The following AMBRA1 variants were observed in gnomAD, a reference collection of about 807,000 sequenced individuals.
AMBRA1 encodes activating molecule in BECN1-regulated autophagy protein 1.
A neutral mutation model predicts 125.4 loss-of-function variants in AMBRA1; 47 were observed. That is an observed-to-expected ratio of 0.37 (90% CI 0.30 to 0.48). The LOEUF is 0.48. AMBRA1 is among the 20% of genes least tolerant of loss of function. AMBRA1 has a pLI of 0.99. For synonymous variants in AMBRA1, 626 were observed against 655.5 expected (o/e 0.95, Z 0.69); for missense variants, 1,331 against 1,693.4 (o/e 0.79, Z 3.76).
chr11:46,517,339 G>T (rs929989218), intron 7 of AMBRA1, among the ~76,000 whole-genome samples: 4 of 150,836 alleles, frequency 2.7e-5, no homozygotes, highest in African/African-American at 7.3e-5. Context: ...GTAAAAACAG[G>T]GTTGCACCAT....
intron 11 of AMBRA1, among the ~76,000 whole-genome samples, chr11:46,449,176 A>T (rs1948455436): frequency 6.6e-6 from 1 of 152,188 alleles, no homozygotes; most frequent in South Asian, 2.1e-4. Context: ...ATCATATTGG[A>T]AGTCCTAGCT....
At chr11:46,492,186 T>G (rs1029042414) in intron 11 of AMBRA1, among the ~76,000 whole-genome samples, 1 of 152,194 alleles carries the variant, frequency 6.6e-6, no homozygotes, top group African/African-American at 2.4e-5. Flanking sequence ...GTCAGGAGAT[T>G]GTGGTATAGT....
chr11:46,483,079 GC>G (rs1326539420), intron 11 of AMBRA1, among the ~76,000 whole-genome samples: 1 of 151,712 alleles, frequency 6.6e-6, no homozygotes, highest in Non-Finnish European at 1.5e-5. Context: ...AAAGAATGTA[GC>G]CCCACAGCTC....
In AMBRA1 at chr11:46,573,850, A is replaced by G. The variant is rs1336003612; in HGVS notation, c.-121+19978T>C. ...CCCACCACAGTCCCCAGAGTGTGAT[A>G]TTCCCCTTCCTGTGTCCATGTGATC... On this transcript the variant is annotated intron_variant, in intron 1 of 17. Coordinates refer to ENST00000683756, the MANE Select transcript of AMBRA1 (RefSeq NM_001387011.1). 3.0e-4 allele frequency among the ~76,000 whole-genome samples: 36 copies of G among 120,180 alleles called. 1 individual carries two copies. Among genetic ancestry groups the G allele is most frequent in the Admixed American group, 2.7e-3 (24 of 8,926 alleles). The allele number at this position is 120,180 out of a possible 152,430, so 78.8% of individuals were successfully genotyped here.
At chr11:46,451,848 G>C (rs1554975990) in intron 11 of AMBRA1, 1 of 144,020 alleles carries the variant, frequency 6.9e-6, no homozygotes, top group Non-Finnish European at 1.5e-5. Flanking sequence ...CTGACCAGCT[G>C]AGCTGGAGGA....
At chr11:46,463,907 T>C (rs1411967351) in intron 11 of AMBRA1, among the ~76,000 whole-genome samples, 1 of 152,232 alleles carries the variant, frequency 6.6e-6, no homozygotes, top group Non-Finnish European at 1.5e-5. Context: ...GCCTTCTCCT[T>C]TGTTAGCCTC....
intron 12 of AMBRA1, among the ~76,000 whole-genome samples, chr11:46,437,338 C>G (rs185658787): frequency 3.1e-4 from 47 of 152,356 alleles, no homozygotes; most frequent in African/African-American, 1.0e-3. Context: ...TCTCCCCTGA[C>G]TCCACCCAAC....
chr11:46,517,903 T>G (rs1011866600), intron 7 of AMBRA1, among the ~76,000 whole-genome samples: 1 of 148,094 alleles, frequency 6.8e-6, no homozygotes. Context: ...TATAAGCATA[T>G]AAAAGTATAC....
intron 4 of AMBRA1, 99 bp downstream of exon 4, chr11:46,547,014 C>T: frequency 5.2e-6 from 6 of 1,156,198 alleles, no homozygotes; most frequent in Admixed American, 2.5e-5. Flanking sequence ...GAGGTTGCAG[C>T]GAGCCAAGAT....
rs557005439 is a variant in AMBRA1, at chr11:46,566,535, C to A, written c.-120-18035G>T. On this transcript the variant is annotated intron_variant, in intron 1 of 17. Coordinates refer to ENST00000683756, the MANE Select transcript of AMBRA1 (RefSeq NM_001387011.1). Reference sequence around the variant, plus strand: ...TACATTCTATATAATTCCATTTATACAACATTCTTAAAATGACAAAGAGAG... The same window carrying A: ...TACATTCTATATAATTCCATTTATAAAACATTCTTAAAATGACAAAGAGAG... Among the ~76,000 whole-genome samples the A allele has an allele frequency of 2.0e-5, 3 of 152,138 alleles. No individual in the cohort carries two copies. The South Asian group carries it at 6.2e-4, about 32-fold the overall frequency.
At position 46,543,054 on chromosome 11, in the gene AMBRA1, G is replaced by A. The variant is rs753899128; in HGVS notation, c.963C>T (p.Ser321=). 2 of 1,598,830 alleles carry A rather than the reference G, an allele frequency of 1.3e-6. No individual in the cohort carries two copies. The highest frequency in any genetic ancestry group is 1.7e-5 in the Admixed American group (1 of 59,884). ...GGACACTGTCCTGGTGTGGCAAGAGGGAAGGAACTCGAGTGCCAGAGCAGC... is the reference window on the plus strand; with the variant it reads ...GGACACTGTCCTGGTGTGGCAAGAGAGAAGGAACTCGAGTGCCAGAGCAGC... ...CSRCSGTRVP[S]LLPHQDSVPP... is the part of the protein sequence containing the mutation. Residue 321 remains serine, a synonymous_variant, in exon 7 of 18, where the codon TCC becomes TCT. Coordinates refer to ENST00000683756, the MANE Select transcript of AMBRA1 (RefSeq NM_001387011.1).
At chr11:46,473,932 G>T (rs1949711059) in intron 11 of AMBRA1, among the ~76,000 whole-genome samples, 1 of 152,172 alleles carries the variant, frequency 6.6e-6, no homozygotes, top group Non-Finnish European at 1.5e-5. Context: ...TTACAGGCGT[G>T]AGCCACCGCA....
chr11:46,453,211 C>T (rs1435287671), intron 11 of AMBRA1, among the ~76,000 whole-genome samples: 1 of 152,060 alleles, frequency 6.6e-6, no homozygotes, highest in Non-Finnish European at 1.5e-5. Flanking sequence ...TTTCACTCAG[C>T]ATAACATTTT....
intron 14 of AMBRA1, among the ~76,000 whole-genome samples, chr11:46,419,558 C>T (rs1946742201): frequency 6.6e-6 from 1 of 152,176 alleles, no homozygotes; most frequent in African/African-American, 2.4e-5. Context: ...CACAAATGAT[C>T]ATCAGGGCCT....
In AMBRA1 at chr11:46,589,491, G is replaced by A. The variant is rs181591700; in HGVS notation, c.-121+4337C>T. On this transcript the variant is annotated intron_variant, in intron 1 of 17. Coordinates refer to ENST00000683756, the MANE Select transcript of AMBRA1 (RefSeq NM_001387011.1). ...ACCAAACCACTGGGCAAAAAAATGC[G>A]GATTCCACTCCAAAATAACTCTACC... Among the ~76,000 whole-genome samples, 10 of 152,220 alleles carry A rather than the reference G, an allele frequency of 6.6e-5. No homozygotes were observed. In the East Asian group the frequency reaches 1.5e-3, roughly 23 times the overall value.
chr11:46,528,752 CTA>C (rs3071087), intron 7 of AMBRA1, among the ~76,000 whole-genome samples: 1,774 of 152,134 alleles, frequency 0.012, 41 homozygotes, highest in African/African-American at 0.041. Context: ...GAGGGTAAAT[CTA>C]TGTTATGTTT....
intron 7 of AMBRA1, among the ~76,000 whole-genome samples, chr11:46,520,042 G>C (rs1418548406): frequency 6.6e-6 from 1 of 151,790 alleles, no homozygotes; most frequent in Non-Finnish European, 1.5e-5. Context: ...AGGTGGCTGA[G>C]GCAGGAGAAT....
chr11:46,404,745 A>T (rs1945927682), intron 17 of AMBRA1, among the ~76,000 whole-genome samples: 1 of 152,136 alleles, frequency 6.6e-6, no homozygotes, highest in Non-Finnish European at 1.5e-5. Flanking sequence ...GGGGCGAGGA[A>T]CCAGGTCTTG....
chr11:46,528,847 A>G (rs1404202163), intron 7 of AMBRA1, among the ~76,000 whole-genome samples: 1 of 152,200 alleles, frequency 6.6e-6, no homozygotes, highest in Non-Finnish European at 1.5e-5. Context: ...CACCTTGCTG[A>G]GGTGAAATGA....
Sources: allele counts gnomAD v4.1 joint callset (sites outside exome capture counted in the v4.1 genomes callset), GRCh38; gene constraint gnomAD v4.1.1; transcripts MANE v1.5; gene names NCBI Gene and HGNC (gene_info 2026-07-23, HGNC 2026-07-21).